The following TMEM117 variants were observed in gnomAD, a reference collection of about 807,000 sequenced individuals.
The protein encoded by TMEM117 is transmembrane protein 117.
A neutral mutation model predicts 52.4 loss-of-function variants in TMEM117; 27 were observed. That is an observed-to-expected ratio of 0.51 (90% CI 0.38 to 0.71). The LOEUF (loss-of-function observed/expected upper bound fraction) is 0.71. Ranked by LOEUF, TMEM117 falls within the 30% of genes least tolerant of loss-of-function variation. The probability of loss-of-function intolerance (pLI) is 0.00; values close to 1 mark genes in which losing one functional copy is unlikely to be tolerated. For missense variants in TMEM117, 556 were observed against 630.5 expected (o/e 0.88, Z 1.26); for synonymous variants, 215 against 206.3 (o/e 1.04, Z -0.36).
intron 3 of TMEM117, among the ~76,000 whole-genome samples, chr12:44,006,177 C>T (rs1447164622): frequency 1.3e-5 from 2 of 152,184 alleles, no homozygotes; most frequent in African/African-American, 2.4e-5. Flanking sequence ...AGAACATTCA[C>T]CACTTATCTG....
chr12:44,228,545 A>G (rs1685159057), intron 5 of TMEM117, among the ~76,000 whole-genome samples: 1 of 152,162 alleles, frequency 6.6e-6, no homozygotes, highest in East Asian at 1.9e-4. Flanking sequence ...CCATAATGGC[A>G]TATGTCATAA....
At chr12:44,219,432 G>C (rs1016569469) in intron 5 of TMEM117, among the ~76,000 whole-genome samples, 1 of 152,060 alleles carries the variant, frequency 6.6e-6, no homozygotes, top group Non-Finnish European at 1.5e-5. Context: ...AGTTTAACTT[G>C]ATATAATTGT....
At chr12:43,829,473 T>C in the TMEM117 span, among the ~76,000 whole-genome samples, 1 of 152,216 alleles carries the variant, frequency 6.6e-6, no homozygotes, top group African/African-American at 2.4e-5. Flanking sequence ...TTTGGTACTT[T>C]ACATGAAGTC....
chr12:43,910,193 T>C (rs1385119679), intron 2 of TMEM117, among the ~76,000 whole-genome samples: 4 of 150,994 alleles, frequency 2.6e-5, no homozygotes, highest in South Asian at 2.1e-4. Context: ...GTTCAATATA[T>C]GCAAATCAAT....
At chr12:44,085,508 G>A (rs1179291020) in intron 3 of TMEM117, among the ~76,000 whole-genome samples, 1 of 152,178 alleles carries the variant, frequency 6.6e-6, no homozygotes, top group Non-Finnish European at 1.5e-5. Flanking sequence ...TTACCAATAG[G>A]GAGCTTGATC....
intron 4 of TMEM117, among the ~76,000 whole-genome samples, chr12:44,193,344 T>A (rs939142024): frequency 3.9e-5 from 6 of 152,166 alleles, no homozygotes; most frequent in Non-Finnish European, 7.3e-5. Context: ...AAAACAGCAA[T>A]CTTTTCAAAA....
intron 5 of TMEM117, among the ~76,000 whole-genome samples, chr12:44,233,257 T>C (rs909296569): frequency 2.0e-5 from 3 of 151,412 alleles, no homozygotes; most frequent in Admixed American, 1.3e-4. Context: ...CAGCTTAATG[T>C]TGTCTCCATT....
intron 6 of TMEM117, among the ~76,000 whole-genome samples, chr12:44,356,580 A>G (rs1951652090): frequency 6.6e-6 from 1 of 152,028 alleles, no homozygotes; most frequent in African/African-American, 2.4e-5. Context: ...TGAAGATGTT[A>G]TTACCTTATA....
At chr12:43,930,205 A>G (rs1944849242) in intron 2 of TMEM117, among the ~76,000 whole-genome samples, 1 of 152,092 alleles carries the variant, frequency 6.6e-6, no homozygotes, top group Non-Finnish European at 1.5e-5. Context: ...TTGTTTACTC[A>G]GCATCATGAG....
chr12:44,047,177 C>T (rs73089744), intron 3 of TMEM117, among the ~76,000 whole-genome samples: 14,049 of 152,010 alleles, frequency 0.092, 1,078 homozygotes, highest in African/African-American at 0.2. Flanking sequence ...TAGATTGCCC[C>T]GACTAATATA....
At chr12:44,217,897 G>A (rs1949738401) in intron 5 of TMEM117, among the ~76,000 whole-genome samples, 1 of 152,094 alleles carries the variant, frequency 6.6e-6, no homozygotes, top group Non-Finnish European at 1.5e-5. Flanking sequence ...CATACACCCT[G>A]ATGAACAGAG....
chr12:43,921,287 CAG>C (rs1451150617), intron 2 of TMEM117, among the ~76,000 whole-genome samples: 1 of 152,200 alleles, frequency 6.6e-6, no homozygotes, highest in African/African-American at 2.4e-5. Flanking sequence ...TATACTCAAA[CAG>C]AGAGTCAATT....
the TMEM117 span, among the ~76,000 whole-genome samples, chr12:43,814,987 C>T: frequency 2.2e-4 from 34 of 152,090 alleles, no homozygotes; most frequent in African/African-American, 7.2e-4. Context: ...TCAGGTGATC[C>T]GCCCGCCTCG....
At position 43,938,167 on chromosome 12, in the gene TMEM117, A is replaced by G. The variant is rs1944983958; in HGVS notation, c.278-6043A>G. 2.0e-5 allele frequency among the ~76,000 whole-genome samples: 3 copies of G among 151,572 alleles called. No individual in the cohort carries two copies. In the South Asian group the frequency reaches 6.2e-4, roughly 32 times the overall value. ...TGAGGGCTGGGGTATGCAGGACAGC[A>G]TATCTAGTTGTGATGGTTTGAGGTA... On this transcript the variant is annotated intron_variant, in intron 2 of 7. Transcript: ENST00000266534.
At chr12:44,100,787 C>G (rs1371549565) in intron 3 of TMEM117, among the ~76,000 whole-genome samples, 6 of 151,974 alleles carry the variant, frequency 3.9e-5, no homozygotes, top group African/African-American at 1.4e-4. Flanking sequence ...AAAGTACTCA[C>G]TTCAGAGCCG....
intron 3 of TMEM117, among the ~76,000 whole-genome samples, chr12:44,064,404 T>C (rs1328271229): frequency 6.6e-6 from 1 of 152,152 alleles, no homozygotes; most frequent in Non-Finnish European, 1.5e-5. Context: ...TCAATAAAGT[T>C]TAGGGATTGC....
chr12:43,902,359 C>T (rs1456112606), intron 2 of TMEM117, among the ~76,000 whole-genome samples: 1 of 152,202 alleles, frequency 6.6e-6, no homozygotes, highest in Non-Finnish European at 1.5e-5. Flanking sequence ...GACCCAGTTA[C>T]CACATCTAGA....
intron 2 of TMEM117, among the ~76,000 whole-genome samples, chr12:43,921,795 C>T (rs1271995495): frequency 1.3e-5 from 2 of 152,128 alleles, no homozygotes; most frequent in African/African-American, 4.8e-5. Context: ...TTAGGTTCTG[C>T]ATAGAGAGTC....
At chr12:43,846,286 G>C (rs1481048952) in intron 2 of TMEM117, among the ~76,000 whole-genome samples, 4 of 152,014 alleles carry the variant, frequency 2.6e-5, no homozygotes, top group African/African-American at 9.7e-5. Flanking sequence ...GAAGTGACAG[G>C]GACATTGGGA....
Sources: allele counts gnomAD v4.1 joint callset (sites outside exome capture counted in the v4.1 genomes callset), GRCh38; gene constraint gnomAD v4.1.1; transcripts MANE v1.5; gene names NCBI Gene and HGNC (gene_info 2026-07-23, HGNC 2026-07-21).